EXOC1: variants seen among roughly 807,000 people sequenced by gnomAD.
EXOC1 encodes the protein SEC3-like 1.
In EXOC1, 67 loss-of-function variants were observed where a neutral mutation model predicts 107.7. The observed-to-expected ratio is 0.62, with a 90% CI of 0.51 to 0.76. The LOEUF (loss-of-function observed/expected upper bound fraction) is 0.76, where lower values mean the gene tolerates loss of function less well. Among genes scored for constraint, EXOC1 ranks in the 30% least tolerant of loss-of-function variants. The probability of loss-of-function intolerance (pLI) is 0.00; values close to 1 mark genes in which losing one functional copy is unlikely to be tolerated. For synonymous variants in EXOC1, 348 were observed against 353.5 expected (o/e 0.98, Z 0.17); for missense variants, 833 against 1,055.7 (o/e 0.79, Z 2.92).
At chr4:55,872,647 A>C (rs925437693) in intron 8 of EXOC1, 2 of 249,702 alleles carry the variant, frequency 8.0e-6, no homozygotes, top group Non-Finnish European at 1.3e-5. Context: ...AATTGGGGGA[A>C]TATCTCGTTC....
chr4:55,899,057 A>T (rs1468682300), intron 16 of EXOC1, among the ~76,000 whole-genome samples: 4 of 152,144 alleles, frequency 2.6e-5, no homozygotes, highest in Non-Finnish European at 5.9e-5. Flanking sequence ...TTTACTAGGT[A>T]TTACCAATCT....
intron 5 of EXOC1, 72 bp from the exon 6 acceptor site, chr4:55,870,606 A>G: frequency 7.1e-7 from 1 of 1,407,738 alleles, no homozygotes. Flanking sequence ...ATTCTTTTAC[A>G]CATCTAAATA....
At chr4:55,863,230 A>G (rs559132497) in intron 3 of EXOC1, among the ~76,000 whole-genome samples, 120 of 152,222 alleles carry the variant, frequency 7.9e-4, no homozygotes, top group Non-Finnish European at 9.1e-4. Flanking sequence ...AAGTAGTTCT[A>G]TTCATTCAAG....
intron 10 of EXOC1, among the ~76,000 whole-genome samples, chr4:55,886,091 T>C (rs1560351094): frequency 6.6e-6 from 1 of 152,204 alleles, no homozygotes; most frequent in Admixed American, 6.5e-5. Flanking sequence ...ACATGAAATA[T>C]TCAATACTTT....
At chr4:55,901,200 C>T (rs1456675693) in intron 17 of EXOC1, among the ~76,000 whole-genome samples, 2 of 152,148 alleles carry the variant, frequency 1.3e-5, no homozygotes, top group Non-Finnish European at 2.9e-5. Context: ...GAGATTATCA[C>T]CACCTGTATA....
chr4:55,866,558 C>T (rs1328698011), intron 4 of EXOC1, among the ~76,000 whole-genome samples: 1 of 152,068 alleles, frequency 6.6e-6, no homozygotes, highest in Non-Finnish European at 1.5e-5. Flanking sequence ...ATATAATCCC[C>T]AGGAAATGAT....
chr4:55,898,363 A>T (rs1343963951), intron 16 of EXOC1, among the ~76,000 whole-genome samples: 1 of 152,210 alleles, frequency 6.6e-6, no homozygotes, highest in African/African-American at 2.4e-5. Flanking sequence ...CTTTAATTGG[A>T]TAAAAAATCT....
intron 16 of EXOC1, among the ~76,000 whole-genome samples, chr4:55,898,151 G>A (rs907311089): frequency 2.0e-5 from 3 of 152,136 alleles, no homozygotes; most frequent in African/African-American, 7.2e-5. Context: ...CAGCTACACA[G>A]GAGGCTGAGG....
chr4:55,898,603 G>C (rs1725525127), intron 16 of EXOC1, among the ~76,000 whole-genome samples: 1 of 152,138 alleles, frequency 6.6e-6, no homozygotes, highest in Non-Finnish European at 1.5e-5. Context: ...GTTGTACAGA[G>C]ATAATGTTAA....
At chr4:55,895,067 A>G (rs1006767550) in intron 15 of EXOC1, among the ~76,000 whole-genome samples, 3 of 152,200 alleles carry the variant, frequency 2.0e-5, no homozygotes, top group African/African-American at 7.2e-5. Flanking sequence ...GCATATATAT[A>G]TATAAAGGAC....
At chr4:55,875,329 T>C (rs1194523221) in intron 8 of EXOC1, among the ~76,000 whole-genome samples, 1 of 152,206 alleles carries the variant, frequency 6.6e-6, no homozygotes, top group East Asian at 1.9e-4. Flanking sequence ...TTAAGATCTA[T>C]TTTTGTGAGG....
In EXOC1 at chr4:55,871,887, C is replaced by T. The variant is rs909085906; in HGVS notation, c.1003C>T (p.Arg335Ter). Residue 335 changes from arginine (R) to a stop codon, truncating the protein, a stop_gained, in exon 8 of 19, where the codon CGA (arginine) becomes TGA (stop). Coordinates refer to ENST00000381295, the MANE Select transcript of EXOC1 (RefSeq NM_001024924.2). LOFTEE classifies it high-confidence loss of function. ...LLLAVKQQQQRFSDLRELFAR... is the reference protein window; with the variant it reads ...LLLAVKQQQQ ...TCTGGCAGTCAAACAGCAACAGCAGCGATTCAGTGATTTGCGAGAGCTTTT... is the reference window on the plus strand; with the variant it reads ...TCTGGCAGTCAAACAGCAACAGCAGTGATTCAGTGATTTGCGAGAGCTTTT... 4 of 1,613,780 alleles carry T rather than the reference C, an allele frequency of 2.5e-6. No individual in the cohort carries two copies. The highest frequency in any genetic ancestry group is 2.2e-5 in the East Asian group (1 of 44,882).
intron 16 of EXOC1, among the ~76,000 whole-genome samples, chr4:55,898,673 G>A (rs1725532155): frequency 6.6e-6 from 1 of 152,158 alleles, no homozygotes; most frequent in South Asian, 2.1e-4. Context: ...TGGGCATATT[G>A]TATGTGTGCT....
chr4:55,890,504 A>T (rs566763352), intron 12 of EXOC1, 118 bp downstream of exon 12: 9 of 592,410 alleles, frequency 1.5e-5, no homozygotes, highest in Non-Finnish European at 2.4e-5. Flanking sequence ...AGCATTAACC[A>T]TGTCTTTCCA....
rs141812928 is a variant in EXOC1, at chr4:55,904,324, C to CT, written c.2533-9dup. On this transcript the variant is annotated intron_variant, in intron 18 of 18. Transcript: ENST00000381295. ...ATTATTTCCATTCATAGCCTAATGACTTTTTTTTTTAATAATAGGTGGTGT... is the reference window on the plus strand; with the variant it reads ...ATTATTTCCATTCATAGCCTAATGACTTTTTTTTTTTAATAATAGGTGGTGT... 108,578 of 1,390,520 alleles carry CT rather than the reference C, an allele frequency of 0.078. 1,903 individuals are homozygous for CT. Among genetic ancestry groups the CT allele is most frequent in the Non-Finnish European group, 0.09 (92,486 of 1,028,240 alleles). The allele number at this position is 1,390,520 out of a possible 1,614,324, so 86.1% of individuals were successfully genotyped here.
intron 15 of EXOC1, 126 bp from the exon 16 acceptor site, chr4:55,896,591 C>A: frequency 1.4e-6 from 1 of 697,572 alleles, no homozygotes; most frequent in Non-Finnish European, 2.2e-6. Flanking sequence ...CTAGGTACCA[C>A]ATAATATCCT....
At chr4:55,858,526 C>A (rs1721193948) in intron 2 of EXOC1, 79 bp downstream of exon 2, 5 of 1,410,990 alleles carry the variant, frequency 3.5e-6, no homozygotes, top group Admixed American at 2.6e-5. Flanking sequence ...TTTTGAATAT[C>A]CTCATTGTCT....
At position 55,902,328 on chromosome 4, in the gene EXOC1, T is replaced by C. The variant is rs1279502577; in HGVS notation, c.2338-16T>C. The C allele has an allele frequency of 7.1e-7, 1 of 1,415,108 alleles. No homozygotes were observed. Among genetic ancestry groups the C allele is most frequent in the Non-Finnish European group, 9.2e-7 (1 of 1,081,534 alleles). The allele number at this position is 1,415,108 out of a possible 1,614,324, so 87.7% of individuals were successfully genotyped here. ...AATGCAGGTCTTAGCCATTGTTTCT[T>C]TTCATTTCCTTGAAGCATTTCTTTG... On this transcript the variant is annotated splice_polypyrimidine_tract_variant and intron_variant, in intron 17 of 18. Coordinates refer to ENST00000381295, the MANE Select transcript of EXOC1 (RefSeq NM_001024924.2).
chr4:55,890,258 A>G lies in EXOC1; in HGVS notation c.1411A>G (p.Thr471Ala), dbSNP rs895818108. Reference protein sequence around the residue: ...HGSSGKLTGSTSSLNKLSVQS... With the variant: ...HGSSGKLTGSASSLNKLSVQS... The stretch of plus-strand genomic sequence containing the variant: ...AAGTTCGGGGAAATTAACTGGATCT[A>G]CTTCTAGTCTAAATAAGCTCAGTGT... Residue 471 changes from threonine (T) to alanine (A), a missense_variant, in exon 12 of 19, where the codon ACT becomes GCT. Thr to Ala is a moderately conservative substitution (Grantham distance 58). Around this residue, in one of 2 missense-constraint regions of EXOC1, gnomAD observed 617 missense variants for 701.3 expected, o/e 0.88. Transcript: ENST00000381295. 2.5e-6 allele frequency: 4 copies of G among 1,614,024 alleles called. No homozygotes were observed. The highest frequency in any genetic ancestry group is 4.5e-5 in the East Asian group (2 of 44,854).
Sources: gnomAD v4.1 joint callset for allele counts (sites outside exome capture counted in the v4.1 genomes callset) on GRCh38, gnomAD v4.1.1 for gene constraint, gnomAD v4.1.1 regional missense constraint, MANE v1.5 for transcripts, NCBI Gene and HGNC (gene_info 2026-07-23, HGNC 2026-07-21) for gene names.